Variants in PLD1 observed in about 807,000 individuals in gnomAD.
PLD1 encodes choline phosphatase 1.
PLD1 carries 112 observed loss-of-function variants against 137.1 expected under a neutral mutation model. The observed-to-expected ratio is 0.82, with a 90% CI of 0.70 to 0.96. The LOEUF (loss-of-function observed/expected upper bound fraction) is 0.96, where lower values mean the gene tolerates loss of function less well. Among genes scored for constraint, PLD1 ranks in the 40% least tolerant of loss-of-function variants. The pLI is 0.00. For synonymous variants in PLD1, 431 were observed against 454.7 expected, an observed-to-expected ratio of 0.95 and a Z score of 0.66; for missense variants, 1,321 against 1,342.0, an observed-to-expected ratio of 0.98 and a Z score of 0.24.
At chr3:171,638,717 A>T (rs1453975902) in intron 23 of PLD1, among the ~76,000 whole-genome samples, 1 of 152,214 alleles carries the variant, frequency 6.6e-6, no homozygotes, top group Non-Finnish European at 1.5e-5. Context: ...TCTTTAATAC[A>T]ATACCATTAA....
chr3:171,677,752 A>C, intron 16 of PLD1, 58 bp from the exon 17 acceptor site: 1 of 1,544,010 alleles, frequency 6.5e-7, no homozygotes, highest in Non-Finnish European at 8.8e-7. Flanking sequence ...CCAGAAAGGG[A>C]GGCTCAACTC....
rs1213523116 is a variant in PLD1 at position 171,617,001 on chromosome 3, TCTC to T, written c.2728+3382_2728+3384del. Among the ~76,000 whole-genome samples the T allele has an allele frequency of 3.9e-5, 6 of 152,144 alleles. No individual in the cohort carries two copies. In the East Asian group the frequency reaches 1.2e-3, roughly 29 times the overall value. ...TTTCCTTTGCCTCCAGGTCAGAAGTTCTCAGCTCTGACCACATATGAGCATTAC... is the reference window on the plus strand; with the variant it reads ...TTTCCTTTGCCTCCAGGTCAGAAGTTAGCTCTGACCACATATGAGCATTAC... On this transcript the variant is annotated intron_variant, in intron 24 of 26. Transcript: ENST00000351298.
chr3:171,766,195 G>A (rs1721964106), intron 1 of PLD1, among the ~76,000 whole-genome samples: 1 of 152,010 alleles, frequency 6.6e-6, no homozygotes, highest in African/African-American at 2.4e-5. Flanking sequence ...ATTAAAATCA[G>A]TTTTAGAGCC....
intron 19 of PLD1, among the ~76,000 whole-genome samples, chr3:171,667,850 C>T (rs750373082): frequency 6.6e-6 from 1 of 152,214 alleles, no homozygotes; most frequent in Non-Finnish European, 1.5e-5. Context: ...CTCCCGGGTT[C>T]AAGCAATTCT....
intron 23 of PLD1, 70 bp from the exon 24 acceptor site, chr3:171,620,590 G>T: frequency 1.1e-6 from 1 of 916,844 alleles, no homozygotes; most frequent in Non-Finnish European, 1.7e-6. Context: ...AAATCTTATT[G>T]TTTCTCAAAA....
At chr3:171,804,688 A>T (rs1341921944) in intron 1 of PLD1, among the ~76,000 whole-genome samples, 2 of 152,272 alleles carry the variant, frequency 1.3e-5, no homozygotes, top group Non-Finnish European at 2.9e-5. Context: ...TGAAGATCCC[A>T]ATCAGGGGCT....
intron 22 of PLD1, among the ~76,000 whole-genome samples, chr3:171,643,638 T>C (rs1037798876): frequency 4.6e-5 from 7 of 152,042 alleles, no homozygotes; most frequent in Non-Finnish European, 7.4e-5. Context: ...AAAATAGTCA[T>C]AGAAAACAAT....
chr3:171,652,766 A>ATTT lies in PLD1; in HGVS notation c.2429+6444_2429+6446dup, dbSNP rs1174564536. On this transcript the variant is annotated intron_variant, in intron 21 of 26. Coordinates refer to ENST00000351298, the MANE Select transcript of PLD1 (RefSeq NM_002662.5). ...CAGGCATGTACCAGCACACTCAGCT[A>ATTT]TTTTTTTTTTTTTTTTTTTTTTTTT... 8.5e-3 allele frequency among the ~76,000 whole-genome samples: 640 copies of ATTT among 75,620 alleles called. 90 individuals carry two copies. Among genetic ancestry groups the ATTT allele is most frequent in the Non-Finnish European group, 0.011 (474 of 42,184 alleles). The allele number at this position is 75,620 out of a possible 152,430, so 49.6% of individuals were successfully genotyped here.
chr3:171,730,928 T>C (rs1476684076), intron 6 of PLD1, among the ~76,000 whole-genome samples: 1 of 152,212 alleles, frequency 6.6e-6, no homozygotes, highest in Non-Finnish European at 1.5e-5. Context: ...CATGAGCCAC[T>C]GCGCCCAGCC....
chr3:171,676,629 C>T (rs1307817962), intron 18 of PLD1, 86 bp downstream of exon 18: 1 of 1,020,804 alleles, frequency 9.8e-7, no homozygotes, highest in African/African-American at 1.6e-5. Flanking sequence ...ACAGTCTCTT[C>T]TTGCTACCAG....
At chr3:171,713,155 T>C (rs779362552) in intron 9 of PLD1, among the ~76,000 whole-genome samples, 1 of 152,140 alleles carries the variant, frequency 6.6e-6, no homozygotes, top group Non-Finnish European at 1.5e-5. Flanking sequence ...TGTACATGAG[T>C]GTCCTTTCAA....
At chr3:171,682,042 T>C (rs1362546741) in intron 16 of PLD1, among the ~76,000 whole-genome samples, 1 of 151,578 alleles carries the variant, frequency 6.6e-6, no homozygotes, top group Admixed American at 6.6e-5. Flanking sequence ...GGCACTTGTA[T>C]ACCTATGTAA....
rs1714719005 is a variant in PLD1, at chr3:171,687,656, G to A, written c.1540-72C>T. 3.2e-6 allele frequency: 3 copies of A among 933,368 alleles called. No homozygotes were observed. The South Asian group carries it at 4.6e-5, about 14-fold the overall frequency. 57.8% of individuals were successfully genotyped at this position (933,368 alleles called of 1,614,324 possible). A position where few individuals can be genotyped will look rare whatever the true frequency, so the allele number is the denominator to read the frequency against. ...GCAGTGTGGTTCTTTAATTCAAGTA[G>A]AGCTGAAGTATAAAGTTTACAAATG... On this transcript the variant is annotated intron_variant, in intron 14 of 26. Transcript: ENST00000351298.
chr3:171,660,073 G>C (rs962244492), intron 20 of PLD1, among the ~76,000 whole-genome samples: 3 of 152,130 alleles, frequency 2.0e-5, no homozygotes, highest in African/African-American at 7.2e-5. Flanking sequence ...TGTTCAAATA[G>C]AATAGATTGT....
chr3:171,796,502 G>A (rs1226087788), intron 1 of PLD1, among the ~76,000 whole-genome samples: 1 of 152,136 alleles, frequency 6.6e-6, no homozygotes, highest in African/African-American at 2.4e-5. Flanking sequence ...ACAAATATAC[G>A]AATGCCTGTT....
chr3:171,804,017 T>C (rs1723747749), intron 1 of PLD1, among the ~76,000 whole-genome samples: 1 of 152,230 alleles, frequency 6.6e-6, no homozygotes, highest in South Asian at 2.1e-4. Flanking sequence ...CCTCTTTTTA[T>C]TCCAAAGCAG....
At position 171,709,133 on chromosome 3, in the gene PLD1, A is replaced by G. The variant is rs1716942659; in HGVS notation, c.1062-295T>C. On this transcript the variant is annotated intron_variant, in intron 10 of 26. Transcript: ENST00000351298. Reference sequence around the variant, plus strand: ...TTTTCCTATCCTGTTGAACTTACATACAGTTTTTCTTACATACAGTTCTGA... The same window carrying G: ...TTTTCCTATCCTGTTGAACTTACATGCAGTTTTTCTTACATACAGTTCTGA... 2.0e-5 allele frequency among the ~76,000 whole-genome samples: 3 copies of G among 152,242 alleles called. No homozygotes were observed. The South Asian group carries it at 6.2e-4, about 31-fold the overall frequency.
rs1713133121 is a variant in PLD1, at chr3:171,674,555, GT to G, written c.2173del (p.Thr725GlnfsTer6). The stretch of plus-strand genomic sequence containing the variant: ...TTGATATCTCAACTCATGGGCTGTT[GT>G]TTGAGACTTTGGAAGCAGAAAAGGA... ...SYPFLLPKSQ[T>X]TAHELRYQVP... On this transcript the variant is annotated frameshift_variant, in exon 19 of 27. Transcript: ENST00000351298. LOFTEE classifies it high-confidence loss of function. 6.2e-7 allele frequency: 1 copy of G among 1,611,570 alleles called. No homozygotes were observed. The highest frequency in any genetic ancestry group is 1.3e-5 in the African/African-American group (1 of 74,844).
At chr3:171,652,412 C>CAAA (rs1200348368) in intron 21 of PLD1, among the ~76,000 whole-genome samples, 1 of 58,794 alleles carries the variant, frequency 1.7e-5, no homozygotes, top group African/African-American at 4.6e-5. Flanking sequence ...GACTCCTTCT[C>CAAA]AAAAAAAAAA....
Sources: gnomAD v4.1 joint callset for allele counts (sites outside exome capture counted in the v4.1 genomes callset) on GRCh38, gnomAD v4.1.1 for gene constraint, MANE v1.5 for transcripts, NCBI Gene and HGNC (gene_info 2026-07-23, HGNC 2026-07-21) for gene names.